The following PTPRD variants were observed in gnomAD, a reference collection of about 807,000 sequenced individuals.
PTPRD encodes the protein receptor-type tyrosine-protein phosphatase delta.
Under a neutral mutation model 214.5 loss-of-function variants are expected in PTPRD, and 34 were observed. The observed-to-expected ratio is 0.16, with a 90% CI of 0.12 to 0.21. The LOEUF (loss-of-function observed/expected upper bound fraction) is 0.21, where lower values mean the gene tolerates loss of function less well. Among genes scored for constraint, PTPRD ranks in the 10% least tolerant of loss-of-function variants. PTPRD has a pLI of 1.00. For missense variants in PTPRD, 2,545 were observed against 2,398.7 expected (o/e 1.06, Z -1.27); for synonymous variants, 1,128 against 845.7 (o/e 1.33, Z -5.79).
At chr9:8,412,087 C>T (rs999572911) in intron 35 of PTPRD, among the ~76,000 whole-genome samples, 4 of 152,088 alleles carry the variant, frequency 2.6e-5, no homozygotes, top group Admixed American at 6.5e-5. Flanking sequence ...CTGCAAATCA[C>T]TTATAAAGTA....
intron 11 of PTPRD, among the ~76,000 whole-genome samples, chr9:8,880,376 T>C (rs1037870055): frequency 1.3e-5 from 2 of 152,194 alleles, no homozygotes; most frequent in African/African-American, 4.8e-5. Context: ...TAGTGTTACC[T>C]GTGGATATCT....
At chr9:9,079,306 A>G (rs988961869) in intron 10 of PTPRD, among the ~76,000 whole-genome samples, 147 of 152,102 alleles carry the variant, frequency 9.7e-4, no homozygotes, top group African/African-American at 3.5e-3. Context: ...AGCACACAGC[A>G]TTTAACTTTT....
chr9:8,956,800 C>T (rs919941609), intron 11 of PTPRD, among the ~76,000 whole-genome samples: 3 of 151,856 alleles, frequency 2.0e-5, no homozygotes, highest in Non-Finnish European at 2.9e-5. Flanking sequence ...ACTGAACCCA[C>T]CATCATCTAT....
At chr9:8,548,659 C>T (rs1280166683) in intron 14 of PTPRD, among the ~76,000 whole-genome samples, 1 of 136,550 alleles carries the variant, frequency 7.3e-6, no homozygotes, top group African/African-American at 2.7e-5. Context: ...TAAGCCATTG[C>T]ACCCAGCTGG....
chr9:8,877,214 C>T (rs1327754416), intron 11 of PTPRD, among the ~76,000 whole-genome samples: 3 of 152,108 alleles, frequency 2.0e-5, no homozygotes, highest in African/African-American at 2.4e-5. Flanking sequence ...CGTGAACCAC[C>T]GCGCCCAGCC....
chr9:8,717,080 G>A (rs1214095096), intron 12 of PTPRD, among the ~76,000 whole-genome samples: 1 of 152,110 alleles, frequency 6.6e-6, no homozygotes, highest in Non-Finnish European at 1.5e-5. Flanking sequence ...ATGTCCTTGA[G>A]CCCAGAAGGC....
intron 11 of PTPRD, among the ~76,000 whole-genome samples, chr9:8,908,386 CCATT>C (rs1011166715): frequency 1.3e-5 from 2 of 151,984 alleles, no homozygotes; most frequent in Non-Finnish European, 2.9e-5. Flanking sequence ...AGAATTGAAA[CCATT>C]CAAAGTATGT....
intron 9 of PTPRD, among the ~76,000 whole-genome samples, chr9:9,374,159 G>T (rs2060208648): frequency 2.0e-5 from 3 of 151,980 alleles, no homozygotes; most frequent in East Asian, 1.9e-4. Context: ...TGACGAAAAA[G>T]ACAGATTTTA....
At chr9:9,125,109 A>G (rs1348381398) in intron 10 of PTPRD, among the ~76,000 whole-genome samples, 1 of 152,152 alleles carries the variant, frequency 6.6e-6, no homozygotes, top group Non-Finnish European at 1.5e-5. Context: ...TAAAAAGAAA[A>G]AAACCCATGA....
chr9:8,528,647 T>C lies in PTPRD; in HGVS notation c.485A>G (p.Asp162Gly). The C allele has an allele frequency of 1.2e-6, 2 of 1,613,682 alleles. No individual in the cohort carries two copies. Among genetic ancestry groups the C allele is most frequent in the Non-Finnish European group, 1.7e-6 (2 of 1,179,746 alleles). Reference sequence around the variant, plus strand: ...GTTGCTTGTGTCCACAGGTAAGAAATCTTTAAACCAAGTGATTTCTGGATC... The same window carrying C: ...GTTGCTTGTGTCCACAGGTAAGAAACCTTTAAACCAAGTGATTTCTGGATC... ...NPDPEITWFK[D>G]FLPVDTSNNN... Residue 162 changes from aspartate to glycine, a missense_variant, in exon 15 of 46, where the codon GAT (aspartate) becomes GGT (glycine). By Grantham distance (94) the Asp-to-Gly change is moderately conservative. Transcript: ENST00000381196.
chr9:10,607,286 G>C (rs1445317043), intron 2 of PTPRD, among the ~76,000 whole-genome samples: 1 of 151,782 alleles, frequency 6.6e-6, no homozygotes. Flanking sequence ...TGGTAATATG[G>C]TGTATTGTTG....
At chr9:8,906,655 T>G (rs1364543605) in intron 11 of PTPRD, among the ~76,000 whole-genome samples, 1 of 152,186 alleles carries the variant, frequency 6.6e-6, no homozygotes, top group East Asian at 1.9e-4. Flanking sequence ...GTGGCATTAA[T>G]GCCTGGGGTT....
At chr9:9,372,039 G>C (rs538777507) in intron 9 of PTPRD, among the ~76,000 whole-genome samples, 1 of 152,160 alleles carries the variant, frequency 6.6e-6, no homozygotes, top group Non-Finnish European at 1.5e-5. Flanking sequence ...CCAACTATGT[G>C]ATCAATTTTG....
Position 9,947,500 on chromosome 9 carries a change from T to TA in PTPRD, c.-471-8891_-471-8890insT, listed in dbSNP as rs2092854695. Among the ~76,000 whole-genome samples the TA allele has an allele frequency of 6.6e-4, 22 of 33,428 alleles. 2 individuals are homozygous for TA. In the South Asian group the frequency reaches 0.013, roughly 20 times the overall value. 21.9% of individuals were successfully genotyped at this position (33,428 alleles called of 152,430 possible). The stretch of plus-strand genomic sequence containing the variant: ...ATATATTTTATATATATTATATATA[T>TA]TTTATATATATAATATATATATTAT... On this transcript the variant is annotated intron_variant, in intron 4 of 45. Transcript: ENST00000381196.
At chr9:9,918,360 A>AAC (rs1370622365) in intron 5 of PTPRD, among the ~76,000 whole-genome samples, 1 of 150,406 alleles carries the variant, frequency 6.6e-6, no homozygotes, top group Non-Finnish European at 1.5e-5. Context: ...GTAAAAAAAA[A>AAC]AAAAAAAAAA....
At chr9:9,130,734 C>A (rs1419205009) in intron 10 of PTPRD, among the ~76,000 whole-genome samples, 2 of 152,054 alleles carry the variant, frequency 1.3e-5, no homozygotes, top group South Asian at 4.1e-4. Context: ...GTATGGATAA[C>A]GATTGAATGG....
intron 8 of PTPRD, among the ~76,000 whole-genome samples, chr9:9,466,679 T>C (rs1179043833): frequency 6.6e-6 from 1 of 152,206 alleles, no homozygotes. Context: ...ATTTGATAGT[T>C]CATCCTTTCT....
At chr9:9,329,872 T>A (rs924486068) in intron 9 of PTPRD, among the ~76,000 whole-genome samples, 2 of 152,310 alleles carry the variant, frequency 1.3e-5, no homozygotes, top group African/African-American at 4.8e-5. Context: ...ATCATTCATG[T>A]TCTACATAAG....
chr9:8,528,790 A>G lies in PTPRD; in HGVS notation c.353-11T>C, dbSNP rs2139488398. 6.2e-7 allele frequency: 1 copy of G among 1,612,448 alleles called. No individual in the cohort carries two copies. The highest frequency in any genetic ancestry group is 8.5e-7 in the Non-Finnish European group (1 of 1,179,006). ...TGGGAATTTGATCTTCTGCAAGACA[A>G]AAGGTGATAGAAACATTCAGTTAAT... On this transcript the variant is annotated splice_polypyrimidine_tract_variant and intron_variant, in intron 14 of 45. Transcript: ENST00000381196.
Sources: allele counts gnomAD v4.1 joint callset (sites outside exome capture counted in the v4.1 genomes callset), GRCh38; gene constraint gnomAD v4.1.1; transcripts MANE v1.5; gene names NCBI Gene and HGNC (gene_info 2026-07-23, HGNC 2026-07-21).